The following GPR158 variants were observed in gnomAD, a reference collection of about 807,000 sequenced individuals.
GPR158 encodes metabotropic glycine receptor.
Under a neutral mutation model 78.2 loss-of-function variants are expected in GPR158, and 30 were observed. The observed-to-expected ratio is 0.38, with a 90% CI of 0.29 to 0.52. The LOEUF is 0.52. Ranked by LOEUF, GPR158 falls within the 20% of genes least tolerant of loss-of-function variation. GPR158 has a pLI of 0.83. For synonymous variants in GPR158, 581 were observed against 591.1 expected (o/e 0.98, Z 0.25); for missense variants, 1,463 against 1,523.5 (o/e 0.96, Z 0.66).
chr10:25,377,992 A>G (rs1036934767), intron 2 of GPR158, among the ~76,000 whole-genome samples: 1 of 152,090 alleles, frequency 6.6e-6, no homozygotes, highest in Non-Finnish European at 1.5e-5. Context: ...TCCCACCACA[A>G]TGTATAAGCA....
intron 1 of GPR158, among the ~76,000 whole-genome samples, chr10:25,197,166 C>G (rs1326423670): frequency 2.6e-5 from 4 of 152,118 alleles, no homozygotes; most frequent in African/African-American, 9.7e-5. Flanking sequence ...GAACGTGAAC[C>G]TAGGCCCTCT....
At chr10:25,491,030 A>G (rs1564470028) in intron 5 of GPR158, among the ~76,000 whole-genome samples, 2 of 152,182 alleles carry the variant, frequency 1.3e-5, no homozygotes, top group Non-Finnish European at 2.9e-5. Flanking sequence ...AAATAAAATA[A>G]ATACATTCAT....
At chr10:25,399,719 T>G (rs1834415113) in intron 3 of GPR158, among the ~76,000 whole-genome samples, 1 of 152,230 alleles carries the variant, frequency 6.6e-6, no homozygotes, top group Admixed American at 6.5e-5. Context: ...ACTAGGAATA[T>G]GAGCTCTGTA....
intron 5 of GPR158, among the ~76,000 whole-genome samples, chr10:25,514,984 T>C (rs377217133): frequency 2.0e-5 from 3 of 152,262 alleles, no homozygotes. Flanking sequence ...ACCTAATGAC[T>C]ATGTGCCTAG....
At position 25,598,593 on chromosome 10, in the gene GPR158, C is replaced by A; in HGVS notation, c.2967C>A (p.Asp989Glu). ...TCAACCCCACCACTGCCAATTCTGA[C>A]CTGAACCCAGGCACCACCCAGATGA... ...QRVNPTTANS[D>E]LNPGTTQMKD... Residue 989 changes from aspartate to glutamate, a missense_variant, in exon 11 of 11, where the codon GAC becomes GAA. Asp to Glu is a conservative substitution (Grantham distance 45). Transcript: ENST00000376351. 6.2e-7 allele frequency: 1 copy of A among 1,614,010 alleles called. No homozygotes were observed. The highest frequency in any genetic ancestry group is 8.5e-7 in the Non-Finnish European group (1 of 1,179,998).
At chr10:25,259,481 T>C (rs112734847) in intron 2 of GPR158, among the ~76,000 whole-genome samples, 208 of 152,320 alleles carry the variant, frequency 1.4e-3, no homozygotes, top group African/African-American at 4.6e-3. Flanking sequence ...GTTGTTGTGG[T>C]ATCTCACTTT....
intron 1 of GPR158, among the ~76,000 whole-genome samples, chr10:25,200,156 T>C (rs990878100): frequency 6.6e-6 from 1 of 152,216 alleles, no homozygotes; most frequent in African/African-American, 2.4e-5. Context: ...TTCTTTTTTC[T>C]CAGCAATCTT....
intron 5 of GPR158, among the ~76,000 whole-genome samples, chr10:25,473,191 T>C (rs1348881508): frequency 6.7e-6 from 1 of 148,910 alleles, no homozygotes; most frequent in Admixed American, 6.7e-5. Flanking sequence ...TCAAAGGCCT[T>C]TTCTGCATCT....
chr10:25,598,343 T>C lies in GPR158; in HGVS notation c.2717T>C (p.Ile906Thr). Residue 906 changes from isoleucine to threonine, a missense_variant, in exon 11 of 11, where the codon ATA becomes ACA. Physicochemically the swap from Ile to Thr is moderately conservative, Grantham distance 89 (BLOSUM62 -1). Coordinates refer to ENST00000376351, the MANE Select transcript of GPR158 (RefSeq NM_020752.3). ...TSMLQKSLSV[I>T]ASAKEKTLGL... ...ATGTTACAGAAGTCTCTCAGTGTCA[T>C]AGCAAGCGCCAAGGAGAAGACTCTT... 3 of 1,614,000 alleles carry C rather than the reference T, an allele frequency of 1.9e-6. No homozygotes were observed. Among genetic ancestry groups the C allele is most frequent in the East Asian group, 2.2e-5 (1 of 44,872 alleles).
chr10:25,324,831 C>CTTTCTTTCTTTCTTTCTTTCTTTCTT (rs746272253), intron 2 of GPR158, among the ~76,000 whole-genome samples: 2 of 125,392 alleles, frequency 1.6e-5, no homozygotes, highest in African/African-American at 6.2e-5. Flanking sequence ...TTTTTTCTTT[C>CTTTCTTTCTTTCTTTCTTTCTTTCTT]TTTTTTTTTT....
At chr10:25,524,953 C>A (rs1157617436) in intron 5 of GPR158, among the ~76,000 whole-genome samples, 1 of 152,064 alleles carries the variant, frequency 6.6e-6, no homozygotes, top group Non-Finnish European at 1.5e-5. Context: ...ACTAAATAGA[C>A]AAAGGATCTG....
intron 2 of GPR158, among the ~76,000 whole-genome samples, chr10:25,303,911 G>C (rs1267349740): frequency 6.6e-6 from 1 of 152,144 alleles, no homozygotes; most frequent in Non-Finnish European, 1.5e-5. Context: ...TGCCAAATTA[G>C]AGACTTAATG....
chr10:25,504,021 G>C (rs1835978870), intron 5 of GPR158, among the ~76,000 whole-genome samples: 1 of 151,444 alleles, frequency 6.6e-6, no homozygotes, highest in Non-Finnish European at 1.5e-5. Context: ...CTCCCAAGTA[G>C]CTGGGATTAC....
chr10:25,545,340 C>T (rs770382281), intron 5 of GPR158, among the ~76,000 whole-genome samples: 8 of 152,196 alleles, frequency 5.3e-5, no homozygotes, highest in Non-Finnish European at 1.0e-4. Context: ...AAAAGCATCC[C>T]TGTTTCTCCA....
At chr10:25,283,499 GC>G (rs1695089065) in intron 2 of GPR158, among the ~76,000 whole-genome samples, 1 of 151,952 alleles carries the variant, frequency 6.6e-6, no homozygotes, top group Admixed American at 6.6e-5. Context: ...ACTCCCGGAA[GC>G]TTAGTGTTCA....
chr10:25,391,589 G>A (rs374077646), intron 2 of GPR158, among the ~76,000 whole-genome samples: 3 of 152,168 alleles, frequency 2.0e-5, no homozygotes, highest in African/African-American at 7.2e-5. Flanking sequence ...ATTTGGAATG[G>A]GTGTATTTAC....
rs775055353 is a variant in GPR158 at position 25,412,281 on chromosome 10, T to C, written c.1143T>C (p.Ser381=). ...GTCCGGATCAGCATATTTCAGGAAG[T>C]ACAAAAGATGTGTCAGAAGAAGCCT... ...RRGPDQHISG[S]TKDVSEEAYV... Residue 381 remains serine, a synonymous_variant, in exon 4 of 11, where the codon AGT becomes AGC. Coordinates refer to ENST00000376351, the MANE Select transcript of GPR158 (RefSeq NM_020752.3). The C allele has an allele frequency of 1.9e-6, 3 of 1,614,106 alleles. No individual in the cohort carries two copies. The highest frequency in any genetic ancestry group is 2.2e-5 in the East Asian group (1 of 44,874).
At chr10:25,468,683 G>A (rs545525209) in intron 5 of GPR158, among the ~76,000 whole-genome samples, 4 of 152,236 alleles carry the variant, frequency 2.6e-5, no homozygotes, top group African/African-American at 7.2e-5. Context: ...CATAGTGGAC[G>A]CTAGCATACC....
chr10:25,590,986 T>G (rs1237971050), intron 8 of GPR158, among the ~76,000 whole-genome samples: 1 of 152,164 alleles, frequency 6.6e-6, no homozygotes, highest in Non-Finnish European at 1.5e-5. Flanking sequence ...GGAGTAGGCA[T>G]GGTAAACTAT....
Sources: allele counts gnomAD v4.1 joint callset (sites outside exome capture counted in the v4.1 genomes callset), GRCh38; gene constraint gnomAD v4.1.1; transcripts MANE v1.5; gene names NCBI Gene and HGNC (gene_info 2026-07-23, HGNC 2026-07-21).